Variants in RARB observed in about 807,000 individuals in gnomAD.
The protein encoded by RARB is retinoic acid receptor beta.
Under a neutral mutation model 51.9 loss-of-function variants are expected in RARB, and 17 were observed. That is an observed-to-expected ratio of 0.33 (90% CI 0.22 to 0.49). RARB has a LOEUF of 0.49. Ranked by LOEUF, RARB falls within the 20% of genes least tolerant of loss-of-function variation. The probability of loss-of-function intolerance (pLI) is 0.99; values close to 1 mark genes in which losing one functional copy is unlikely to be tolerated. For missense variants in RARB, 369 were observed against 550.8 expected (o/e 0.67, Z 3.30); for synonymous variants, 215 against 195.4 (o/e 1.10, Z -0.84).
intron 2 of RARB, among the ~76,000 whole-genome samples, chr3:24,944,771 A>G (rs1323703932): frequency 1.3e-5 from 2 of 152,216 alleles, no homozygotes; most frequent in Non-Finnish European, 2.9e-5. Context: ...ATTCTTAACC[A>G]TCTGGATGAC....
At chr3:25,080,051 T>C (rs1430689497) in intron 3 of RARB, among the ~76,000 whole-genome samples, 6 of 152,214 alleles carry the variant, frequency 3.9e-5, no homozygotes, top group African/African-American at 1.4e-4. Context: ...AATTTTTTCA[T>C]CACCCCAAAC....
intron 3 of RARB, among the ~76,000 whole-genome samples, chr3:25,065,339 G>A (rs1212649092): frequency 6.6e-6 from 1 of 151,958 alleles, no homozygotes. Context: ...CTCGTTATCA[G>A]GTTAATAACT....
intron 5 of RARB, among the ~76,000 whole-genome samples, chr3:25,292,273 C>A (rs1368447859): frequency 6.6e-6 from 1 of 152,154 alleles, no homozygotes; most frequent in Admixed American, 6.5e-5. Context: ...CCCACCCTCA[C>A]CCCACCAAAA....
At position 24,912,700 on chromosome 3, in the gene RARB, T is replaced by C. The variant is rs533712059; in HGVS notation, c.-380+53948T>C. 2.0e-5 allele frequency among the ~76,000 whole-genome samples: 3 copies of C among 152,314 alleles called. No homozygotes were observed. The East Asian group carries it at 5.8e-4, about 29-fold the overall frequency. On this transcript the variant is annotated intron_variant, in intron 2 of 11. Transcript: ENST00000383772. ...CAGGGAAGAGAAAAATCTTTCTACA[T>C]GATTAAACTAAGTTGCATTTGACAT...
intron 5 of RARB, among the ~76,000 whole-genome samples, chr3:25,332,612 G>A (rs1361686811): frequency 6.6e-6 from 1 of 152,160 alleles, no homozygotes; most frequent in Non-Finnish European, 1.5e-5. Context: ...TTGAAAACTG[G>A]CACAAGACAG....
intron 2 of RARB, among the ~76,000 whole-genome samples, chr3:25,472,785 G>T (rs4607073): frequency 0.54 from 81,887 of 152,040 alleles, 22,202 homozygotes; most frequent in Non-Finnish European, 0.55. Flanking sequence ...TTGAGAAACT[G>T]GGAAAGCCTT....
intron 5 of RARB, among the ~76,000 whole-genome samples, chr3:25,223,781 C>G (rs1701997011): frequency 6.6e-6 from 1 of 152,186 alleles, no homozygotes; most frequent in African/African-American, 2.4e-5. Flanking sequence ...ACTCAGTTCT[C>G]TGCACATATT....
chr3:25,531,076 C>T (rs1698884253), intron 3 of RARB, among the ~76,000 whole-genome samples: 1 of 152,072 alleles, frequency 6.6e-6, no homozygotes, highest in Non-Finnish European at 1.5e-5. Flanking sequence ...TAAAGATAGC[C>T]AATGAAGAGT....
intron 5 of RARB, among the ~76,000 whole-genome samples, chr3:25,296,027 A>G (rs1295696397): frequency 2.0e-5 from 3 of 152,206 alleles, no homozygotes; most frequent in Non-Finnish European, 2.9e-5. Context: ...ATGGTTTTCT[A>G]TATTAGAGAC....
At chr3:25,484,446 G>A (rs550339666) in intron 2 of RARB, among the ~76,000 whole-genome samples, 3 of 151,986 alleles carry the variant, frequency 2.0e-5, no homozygotes, top group Non-Finnish European at 4.4e-5. Context: ...CTCCAACCTC[G>A]CTGATTACTA....
intron 2 of RARB, among the ~76,000 whole-genome samples, chr3:24,863,053 G>A (rs73152474): frequency 0.014 from 2,065 of 152,302 alleles, 26 homozygotes; most frequent in African/African-American, 0.047. Flanking sequence ...CCAGAAAGGA[G>A]AATAGCCCCA....
At chr3:24,980,736 T>A (rs1696643366) in intron 2 of RARB, among the ~76,000 whole-genome samples, 1 of 152,214 alleles carries the variant, frequency 6.6e-6, no homozygotes, top group Admixed American at 6.5e-5. Context: ...GATAAGTTTG[T>A]TATTCTGACC....
intron 2 of RARB, among the ~76,000 whole-genome samples, chr3:24,888,537 T>C (rs1007021318): frequency 1.3e-5 from 2 of 152,154 alleles, no homozygotes; most frequent in African/African-American, 2.4e-5. Context: ...TCAGCCAAAG[T>C]TGGGTTTAAA....
Position 25,196,198 on chromosome 3 carries a change from C to T in RARB, c.178+21623C>T, listed in dbSNP as rs117357580. The stretch of plus-strand genomic sequence containing the variant: ...AATTCATCATGTACATTAGGTATTA[C>T]TCCTAATACTACCCCTCCCCCATCC... On this transcript the variant is annotated intron_variant, in intron 5 of 11. Coordinates refer to the RARB transcript ENST00000383772. 4.0e-3 allele frequency among the ~76,000 whole-genome samples: 610 copies of T among 152,092 alleles called. 10 individuals carry two copies. Among genetic ancestry groups the T allele is most frequent in the East Asian group, 0.03 (154 of 5,156 alleles).
intron 5 of RARB, among the ~76,000 whole-genome samples, chr3:25,178,580 G>C (rs1700802225): frequency 6.6e-6 from 1 of 152,020 alleles, no homozygotes. Flanking sequence ...AATGAGGCCA[G>C]CATAATCCCT....
chr3:25,205,442 T>A (rs1054557044), intron 5 of RARB, among the ~76,000 whole-genome samples: 9 of 152,166 alleles, frequency 5.9e-5, no homozygotes, highest in African/African-American at 2.2e-4. Context: ...CTGCACCCAC[T>A]GTCCAACAAT....
At chr3:25,027,301 G>A (rs777611393) in intron 2 of RARB, among the ~76,000 whole-genome samples, 5 of 152,162 alleles carry the variant, frequency 3.3e-5, no homozygotes, top group African/African-American at 9.7e-5. Flanking sequence ...AGTAGGAAGA[G>A]TGAGTCCTGG....
At chr3:25,568,899 A>G (rs1011882092) in intron 3 of RARB, among the ~76,000 whole-genome samples, 2 of 152,150 alleles carry the variant, frequency 1.3e-5, no homozygotes, top group Admixed American at 6.5e-5. Flanking sequence ...CAGGGGCTAG[A>G]GCTTTGAGTT....
At chr3:24,995,103 GA>G (rs1306609247) in intron 2 of RARB, among the ~76,000 whole-genome samples, 1 of 152,038 alleles carries the variant, frequency 6.6e-6, no homozygotes, top group African/African-American at 2.4e-5. Context: ...CAAAAATACT[GA>G]TTCTTCCAAT....
Sources: gnomAD v4.1 joint callset for allele counts (sites outside exome capture counted in the v4.1 genomes callset) on GRCh38, gnomAD v4.1.1 for gene constraint, MANE v1.5 for transcripts, NCBI Gene and HGNC (gene_info 2026-07-23, HGNC 2026-07-21) for gene names.